ADAMTS12: variants seen among roughly 807,000 people sequenced by gnomAD.
The protein encoded by ADAMTS12 is A disintegrin and metalloproteinase with thrombospondin motifs 12.
Under a neutral mutation model 167.8 loss-of-function variants are expected in ADAMTS12, and 118 were observed. That is an observed-to-expected ratio of 0.70 (90% CI 0.61 to 0.82). ADAMTS12 has a LOEUF of 0.82. ADAMTS12 is among the 40% of genes least tolerant of loss of function. ADAMTS12 has a pLI of 0.00. For synonymous variants in ADAMTS12, 704 were observed against 716.9 expected (o/e 0.98, Z 0.29); for missense variants, 1,916 against 1,998.8 (o/e 0.96, Z 0.79).
chr5:33,712,023 G>A (rs1229456044), intron 3 of ADAMTS12, among the ~76,000 whole-genome samples: 1 of 152,092 alleles, frequency 6.6e-6, no homozygotes. Flanking sequence ...CCATCTCTTA[G>A]TAACTCCTAA....
rs1294832006 is a variant in ADAMTS12, at chr5:33,576,115, T to C, written c.3911A>G (p.Asn1304Ser). The C allele has an allele frequency of 5.0e-6, 8 of 1,613,980 alleles. No homozygotes were observed. The highest frequency in any genetic ancestry group is 5.9e-6 in the Non-Finnish European group (7 of 1,180,030). The change falls in exon 19 of 24, where the codon AAT becomes AGT. Residue 1304 changes from asparagine (N) to serine (S), a missense_variant. Transcript: ENST00000504830. Reference sequence around the variant, plus strand: ...GTGGCCGTTTGTGAGCTGCTTGTAATTGGAGGCATTTAGCAAAAAGCCCTC... The same window carrying C: ...GTGGCCGTTTGTGAGCTGCTTGTAACTGGAGGCATTTAGCAAAAAGCCCTC... ...ITEGFLLNAS[N>S]YKQLTNGHGS... is the part of the protein sequence containing the mutation.
rs1554035094 is a variant in ADAMTS12, at chr5:33,686,936, T to TAGAGAG, written c.635-2887_635-2882dup. Among the ~76,000 whole-genome samples the TAGAGAG allele has an allele frequency of 6.2e-3, 903 of 145,610 alleles. 10 individuals are homozygous for TAGAGAG. Among genetic ancestry groups the TAGAGAG allele is most frequent in the African/African-American group, 0.021 (839 of 39,038 alleles). On this transcript the variant is annotated intron_variant, in intron 3 of 23. Transcript: ENST00000504830. ...TATAGGCACTGAATATATATATATA[T>TAGAGAG]AGAGAGAGAGAGAGAGAGAGCAAGA...
chr5:33,658,044 G>T, intron 7 of ADAMTS12, 140 bp downstream of exon 7: 1 of 1,064,268 alleles, frequency 9.4e-7, no homozygotes, highest in Non-Finnish European at 1.4e-6. Context: ...TGAAAGCAGA[G>T]GTTGAGGAGG....
intron 3 of ADAMTS12, among the ~76,000 whole-genome samples, chr5:33,690,839 T>C (rs1467163211): frequency 6.6e-6 from 1 of 152,188 alleles, no homozygotes; most frequent in African/African-American, 2.4e-5. Context: ...CACACACTTT[T>C]TTCCGTTCCG....
chr5:33,540,826 G>C (rs901452080), intron 22 of ADAMTS12, among the ~76,000 whole-genome samples: 3 of 152,196 alleles, frequency 2.0e-5, no homozygotes, highest in African/African-American at 7.2e-5. Context: ...AACCCCATCT[G>C]TAGGTCACCA....
intron 3 of ADAMTS12, among the ~76,000 whole-genome samples, chr5:33,688,706 GTA>G (rs1742441848): frequency 6.6e-6 from 1 of 152,188 alleles, no homozygotes; most frequent in Non-Finnish European, 1.5e-5. Context: ...ACAGTTTCCA[GTA>G]CATTCTGGAG....
intron 2 of ADAMTS12, among the ~76,000 whole-genome samples, chr5:33,856,680 A>T (rs539904840): frequency 2.0e-5 from 3 of 152,296 alleles, no homozygotes; most frequent in East Asian, 3.9e-4. Context: ...ATATCTGGGA[A>T]ATGCATATCA....
intron 3 of ADAMTS12, among the ~76,000 whole-genome samples, chr5:33,721,512 G>T: frequency 6.6e-6 from 1 of 152,112 alleles, no homozygotes; most frequent in Non-Finnish European, 1.5e-5. Context: ...GGTCTCCATG[G>T]TCTCTCAGTA....
intron 3 of ADAMTS12, among the ~76,000 whole-genome samples, chr5:33,718,505 G>A (rs1280104757): frequency 2.0e-5 from 3 of 152,158 alleles, no homozygotes; most frequent in Non-Finnish European, 2.9e-5. Context: ...TGCTCCTTAT[G>A]AGAATCTAAT....
At chr5:33,535,033 C>A in intron 22 of ADAMTS12, 41 bp from the exon 23 acceptor site, 11 of 1,548,286 alleles carry the variant, frequency 7.1e-6, no homozygotes, top group Non-Finnish European at 7.8e-6. Flanking sequence ...GTCCTCCCCA[C>A]GACTCCCAAG....
At chr5:33,791,291 C>T (rs993658076) in intron 2 of ADAMTS12, among the ~76,000 whole-genome samples, 4 of 152,144 alleles carry the variant, frequency 2.6e-5, no homozygotes, top group African/African-American at 9.7e-5. Flanking sequence ...TTGAGATTCT[C>T]AACCTGACCC....
At chr5:33,529,678 T>G (rs7722715) in intron 23 of ADAMTS12, among the ~76,000 whole-genome samples, 12,404 of 152,232 alleles carry the variant, frequency 0.081, 631 homozygotes, top group Non-Finnish European at 0.11. Flanking sequence ...GAACTCCTTA[T>G]TCTCTTAACT....
intron 12 of ADAMTS12, among the ~76,000 whole-genome samples, chr5:33,637,317 A>C (rs1579783385): frequency 6.6e-6 from 1 of 152,278 alleles, no homozygotes; most frequent in African/African-American, 2.4e-5. Flanking sequence ...ATTGCACCTC[A>C]GCTGTTTTGA....
intron 2 of ADAMTS12, among the ~76,000 whole-genome samples, chr5:33,866,042 T>C (rs1749806467): frequency 6.6e-6 from 1 of 152,164 alleles, no homozygotes; most frequent in Admixed American, 6.6e-5. Flanking sequence ...GCAAAAGTAA[T>C]CTATAGATTC....
chr5:33,714,626 G>C (rs1295452904), intron 3 of ADAMTS12, among the ~76,000 whole-genome samples: 1 of 136,730 alleles, frequency 7.3e-6, no homozygotes, highest in South Asian at 2.2e-4. Flanking sequence ...CCATAAAAAA[G>C]AATGAAATAC....
At chr5:33,758,006 T>A (rs1745225011) in intron 2 of ADAMTS12, among the ~76,000 whole-genome samples, 1 of 152,188 alleles carries the variant, frequency 6.6e-6, no homozygotes, top group Non-Finnish European at 1.5e-5. Context: ...AACTGAAGCC[T>A]ACGCCTCAGT....
Position 33,881,203 on chromosome 5 carries a change from A to G in ADAMTS12, c.405T>C (p.Ser135=). 6.2e-7 allele frequency: 1 copy of G among 1,614,198 alleles called. No individual in the cohort carries two copies. The highest frequency in any genetic ancestry group is 1.3e-5 in the African/African-American group (1 of 75,056). The part of the protein sequence containing the change: ...NLSHVKMMAS[S]APLCHLSGTV... ...TGCCACTGAGATGGCAGAGGGGGGCAGAGGAAGCCATCATCTTAACATGGG... is the reference window on the plus strand; with the variant it reads ...TGCCACTGAGATGGCAGAGGGGGGCGGAGGAAGCCATCATCTTAACATGGG... Residue 135 remains serine (S), a synonymous_variant, in exon 2 of 24, where the codon TCT becomes TCC. Coordinates refer to ENST00000504830, the MANE Select transcript of ADAMTS12 (RefSeq NM_030955.4).
chr5:33,654,876 G>T lies in ADAMTS12; in HGVS notation c.1190+3308C>A, dbSNP rs79870457. The stretch of plus-strand genomic sequence containing the variant: ...AGAACAGGCGTATGTGGGTGATTTT[G>T]TGTGTGTGTGTGTGTGTGTGTGTGT... On this transcript the variant is annotated intron_variant, in intron 7 of 23. Coordinates refer to ENST00000504830, the MANE Select transcript of ADAMTS12 (RefSeq NM_030955.4). 4.0e-3 allele frequency among the ~76,000 whole-genome samples: 517 copies of T among 129,344 alleles called. 11 individuals carry two copies. Among genetic ancestry groups the T allele is most frequent in the Admixed American group, 0.03 (413 of 13,640 alleles). The allele number at this position is 129,344 out of a possible 152,430, so 84.9% of individuals were successfully genotyped here. A position where few individuals can be genotyped will look rare whatever the true frequency, so the allele number is the denominator to read the frequency against.
At position 33,780,350 on chromosome 5, in the gene ADAMTS12, C is replaced by CT. The variant is rs35788048; in HGVS notation, c.490-28803dup. ...GCACCAAATTTTCAGTCATGAAAGACTTTTTTTTTGACACTAGAATTCTGA... is the reference window on the plus strand; with the variant it reads ...GCACCAAATTTTCAGTCATGAAAGACTTTTTTTTTTGACACTAGAATTCTGA... On this transcript the variant is annotated intron_variant, in intron 2 of 23. Transcript: ENST00000504830. Among the ~76,000 whole-genome samples the CT allele has an allele frequency of 2.6e-3, 399 of 151,516 alleles. 8 individuals are homozygous for CT. The South Asian group carries it at 0.08, about 30-fold the overall frequency.
Sources: gnomAD v4.1 joint callset for allele counts (sites outside exome capture counted in the v4.1 genomes callset) on GRCh38, gnomAD v4.1.1 for gene constraint, MANE v1.5 for transcripts, NCBI Gene and HGNC (gene_info 2026-07-23, HGNC 2026-07-21) for gene names.